Variants in SCFD2 observed in about 807,000 individuals in gnomAD.
SCFD2 encodes sec1 family domain containing 2, also known as sec1 family domain-containing protein 2.
Under a neutral mutation model 58.9 loss-of-function variants are expected in SCFD2, and 54 were observed. The ratio of observed to expected loss-of-function variants is 0.92; its 90% CI spans 0.74 to 1.15. The LOEUF (loss-of-function observed/expected upper bound fraction) is 1.15. Among genes scored for constraint, SCFD2 ranks in the 50% most tolerant of loss-of-function variants. The pLI is 0.00. For missense variants in SCFD2, 805 were observed against 836.6 expected (o/e 0.96, Z 0.47); for synonymous variants, 321 against 335.9 (o/e 0.96, Z 0.49).
intron 5 of SCFD2, chr4:52,948,721 A>G (rs1720508189): frequency 3.1e-6 from 1 of 326,028 alleles, no homozygotes; most frequent in African/African-American, 2.2e-5. Flanking sequence ...ACAGAAGAAC[A>G]CGCTGGATCC....
intron 5 of SCFD2, among the ~76,000 whole-genome samples, chr4:53,115,264 G>T (rs1213691829): frequency 6.6e-6 from 1 of 152,084 alleles, no homozygotes; most frequent in African/African-American, 2.4e-5. Context: ...AAACAGTACA[G>T]TTAGGAGATT....
intron 4 of SCFD2, among the ~76,000 whole-genome samples, chr4:53,260,168 CA>C (rs781471258): frequency 1.4e-4 from 22 of 152,202 alleles, no homozygotes; most frequent in East Asian, 1.2e-3. Context: ...ATCATATCAT[CA>C]GCAAACAACA....
At chr4:52,973,283 A>G (rs1057005272) in intron 5 of SCFD2, among the ~76,000 whole-genome samples, 1 of 152,212 alleles carries the variant, frequency 6.6e-6, no homozygotes, top group Non-Finnish European at 1.5e-5. Flanking sequence ...AATACTAATA[A>G]AGAAGAAAAG....
intron 4 of SCFD2, among the ~76,000 whole-genome samples, chr4:53,242,203 A>C (rs1729915597): frequency 6.6e-6 from 1 of 152,216 alleles, no homozygotes; most frequent in African/African-American, 2.4e-5. Context: ...CCAGACTATG[A>C]AGTGCATTGG....
chr4:53,140,550 T>C (rs945273156), intron 5 of SCFD2, among the ~76,000 whole-genome samples: 2 of 151,952 alleles, frequency 1.3e-5, no homozygotes, highest in Admixed American at 6.5e-5. Flanking sequence ...TTTATAACAA[T>C]GCAGAAACTA....
chr4:53,149,244 G>C (rs970542835), intron 4 of SCFD2, among the ~76,000 whole-genome samples: 1 of 152,134 alleles, frequency 6.6e-6, no homozygotes, highest in African/African-American at 2.4e-5. Flanking sequence ...TCTAGGGATG[G>C]GGAAAGGAAA....
chr4:52,963,466 A>G (rs1306123163), intron 5 of SCFD2, among the ~76,000 whole-genome samples: 1 of 152,182 alleles, frequency 6.6e-6, no homozygotes, highest in African/African-American at 2.4e-5. Context: ...TCGAAAAGGC[A>G]ATGTATCTTT....
intron 6 of SCFD2, among the ~76,000 whole-genome samples, chr4:52,911,137 C>A (rs1719476816): frequency 6.6e-6 from 1 of 152,118 alleles, no homozygotes; most frequent in Non-Finnish European, 1.5e-5. Flanking sequence ...TCATACACAG[C>A]ACAAAGGTGG....
chr4:52,964,235 G>T (rs1314091340), intron 5 of SCFD2, among the ~76,000 whole-genome samples: 1 of 152,122 alleles, frequency 6.6e-6, no homozygotes, highest in Non-Finnish European at 1.5e-5. Context: ...ATCATGTAAA[G>T]ATACAAAAAC....
intron 2 of SCFD2, among the ~76,000 whole-genome samples, chr4:53,326,909 A>G (rs1223947874): frequency 1.3e-5 from 2 of 152,140 alleles, no homozygotes; most frequent in African/African-American, 4.8e-5. Context: ...TCAAGTATAC[A>G]GACATTATTT....
intron 4 of SCFD2, among the ~76,000 whole-genome samples, chr4:53,272,484 A>C (rs901403301): frequency 3.9e-5 from 6 of 152,220 alleles, no homozygotes; most frequent in African/African-American, 1.4e-4. Flanking sequence ...GGATTAAGAA[A>C]ATGTGGCACA....
intron 3 of SCFD2, among the ~76,000 whole-genome samples, chr4:53,281,183 C>T (rs1489714307): frequency 6.6e-6 from 1 of 152,216 alleles, no homozygotes; most frequent in Admixed American, 6.5e-5. Flanking sequence ...CTTTTGCTCA[C>T]AAAAAGTTCT....
intron 5 of SCFD2, chr4:52,956,530 CT>C: frequency 3.5e-6 from 1 of 282,092 alleles, no homozygotes; most frequent in Non-Finnish European, 7.0e-6. Context: ...CTCTCTAAGG[CT>C]CAGTTTAATT....
chr4:53,268,565 G>A (rs7683984), intron 4 of SCFD2, among the ~76,000 whole-genome samples: 90,671 of 151,892 alleles, frequency 0.6, 27,233 homozygotes, highest in Middle Eastern at 0.66. Context: ...GTAGCAACTC[G>A]GCATAAAGTG....
chr4:53,136,503 TC>T (rs1300691184), intron 5 of SCFD2, among the ~76,000 whole-genome samples: 1 of 152,186 alleles, frequency 6.6e-6, no homozygotes, highest in African/African-American at 2.4e-5. Flanking sequence ...GAAAGAATTG[TC>T]ATGGAAAACC....
At chr4:53,130,234 G>T (rs2148898980) in intron 5 of SCFD2, among the ~76,000 whole-genome samples, 1 of 152,212 alleles carries the variant, frequency 6.6e-6, no homozygotes, top group Admixed American at 6.5e-5. Context: ...ATGTTTTTAA[G>T]ACACTGTTTT....
At chr4:53,251,381 T>C (rs553819811) in intron 4 of SCFD2, among the ~76,000 whole-genome samples, 218 of 152,306 alleles carry the variant, frequency 1.4e-3, no homozygotes, top group Admixed American at 2.6e-3. Context: ...TAACTCATTT[T>C]ATGAGGCCAG....
chr4:53,355,579 T>A lies in SCFD2; in HGVS notation c.839-2813A>T, dbSNP rs76007606. Among the ~76,000 whole-genome samples, 607 of 152,346 alleles carry A rather than the reference T, an allele frequency of 4.0e-3. 6 individuals are homozygous for A. Among genetic ancestry groups the A allele is most frequent in the African/African-American group, 0.014 (579 of 41,584 alleles). The stretch of plus-strand genomic sequence containing the variant: ...TCAATCCTCATACTCTTTACATAAA[T>A]GATCCTATATAACATAAATTTGATC... On this transcript the variant is annotated intron_variant, in intron 1 of 8. Transcript: ENST00000401642.
At chr4:53,040,113 G>A (rs1722858803) in intron 5 of SCFD2, among the ~76,000 whole-genome samples, 1 of 152,116 alleles carries the variant, frequency 6.6e-6, no homozygotes, top group African/African-American at 2.4e-5. Flanking sequence ...AATGCAGTGG[G>A]TGAGTATGTT....
Sources: allele counts gnomAD v4.1 joint callset (sites outside exome capture counted in the v4.1 genomes callset), GRCh38; gene constraint gnomAD v4.1.1; transcripts MANE v1.5; gene names NCBI Gene and HGNC (gene_info 2026-07-23, HGNC 2026-07-21).